ZNF496: variants seen among roughly 807,000 people sequenced by gnomAD.
The protein encoded by ZNF496 is zinc finger protein 496.
A neutral mutation model predicts 58.9 loss-of-function variants in ZNF496; 11 were observed. That is an observed-to-expected ratio of 0.19 (90% confidence interval 0.12 to 0.31). The LOEUF is 0.31. ZNF496 is among the 10% of genes least tolerant of loss of function. The probability of loss-of-function intolerance (pLI) is 1.00; values close to 1 mark genes in which losing one functional copy is unlikely to be tolerated. For synonymous variants in ZNF496, 338 were observed against 318.2 expected, an observed-to-expected ratio of 1.06 and a Z score of -0.66; for missense variants, 660 against 783.0, an observed-to-expected ratio of 0.84 and a Z score of 1.88.
intron 6 of ZNF496, among the ~76,000 whole-genome samples, chr1:247,315,475 T>C (rs1223206479): frequency 6.6e-6 from 1 of 152,218 alleles, no homozygotes; most frequent in East Asian, 1.9e-4. Context: ...GCAACGATGC[T>C]GGATCATTAT....
chr1:247,326,089 TAC>T (rs5782421), intron 5 of ZNF496, among the ~76,000 whole-genome samples: 1,513 of 146,408 alleles, frequency 0.01, 28 homozygotes, highest in African/African-American at 0.036. Flanking sequence ...CACACATATA[TAC>T]ACACACATAT....
intron 5 of ZNF496, among the ~76,000 whole-genome samples, chr1:247,327,366 T>C (rs1052682200): frequency 1.3e-5 from 2 of 152,148 alleles, no homozygotes; most frequent in East Asian, 3.9e-4. Context: ...GCCCAACCCC[T>C]AGCTCCTTCT....
rs940290542 is a variant in ZNF496, at chr1:247,308,171, A to C, written c.1006+304T>G. The C allele has an allele frequency of 8.7e-5, 27 of 311,526 alleles. 1 individual carries two copies. The highest frequency in any genetic ancestry group is 1.6e-3 in the Middle Eastern group (1 of 640). The allele number at this position is 311,526 out of a possible 1,614,324, so 19.3% of individuals were successfully genotyped here. A position where few individuals can be genotyped will look rare whatever the true frequency, so the allele number is the denominator to read the frequency against. ...CTGGAGAATGACCCCAGCACAACGG[A>C]ATCAGGGCAAGCAGCTAAGAACACC... On this transcript the variant is annotated intron_variant, in intron 9 of 9. Transcript: ENST00000682384. This position sits in a 1 kb window ranked among gnomAD's most constrained non-coding sequence, Gnocchi z 4.5.
intron 2 of ZNF496, among the ~76,000 whole-genome samples, chr1:247,330,381 C>T (rs911667709): frequency 1.3e-5 from 2 of 152,212 alleles, no homozygotes; most frequent in African/African-American, 4.8e-5. Flanking sequence ...CTATCCTTGC[C>T]CTCTTCAAAC....
chr1:247,331,123 C>T (rs1174346050), intron 2 of ZNF496, among the ~76,000 whole-genome samples: 2 of 152,162 alleles, frequency 1.3e-5, no homozygotes, highest in African/African-American at 2.4e-5. Context: ...CCCCGAGCAC[C>T]GGCGCCCACC....
rs932031508 is a variant in ZNF496, at chr1:247,309,418, C to T, written c.892+281G>A. 69 of 1,269,148 alleles carry T rather than the reference C, an allele frequency of 5.4e-5. No homozygotes were observed. Among genetic ancestry groups the T allele is most frequent in the Non-Finnish European group, 9.0e-6 (9 of 1,003,814 alleles). The allele number at this position is 1,269,148 out of a possible 1,614,324, so 78.6% of individuals were successfully genotyped here. A position where few individuals can be genotyped will look rare whatever the true frequency, so the allele number is the denominator to read the frequency against. On this transcript the variant is annotated intron_variant, in intron 8 of 9. Transcript: ENST00000682384. This position sits in a 1 kb window ranked among gnomAD's most constrained non-coding sequence, Gnocchi z 4.3. ...CCTGGAGGGGCTGCTGCATTGTCAG[C>T]ACAAACCAGATGTTACTTACAGGCA...
chr1:247,327,834 C>A (rs1420134984), intron 5 of ZNF496, among the ~76,000 whole-genome samples: 1 of 88,290 alleles, frequency 1.1e-5, no homozygotes, highest in Non-Finnish European at 2.5e-5. Context: ...CAGACACTCT[C>A]TTTCCACTGT....
In ZNF496 at chr1:247,316,216, CGTGT is replaced by C. The variant is rs67737658; in HGVS notation, c.652-5764_652-5761del. Among the ~76,000 whole-genome samples, 273 of 90,640 alleles carry C rather than the reference CGTGT, an allele frequency of 3.0e-3. 1 individual carries two copies. The highest frequency in any genetic ancestry group is 6.4e-3 in the African/African-American group (143 of 22,220). 59.5% of individuals were successfully genotyped at this position (90,640 alleles called of 152,430 possible). On this transcript the variant is annotated intron_variant, in intron 6 of 9. Transcript: ENST00000682384. ...GTGTGTGTGTGTGCGCGCGCGTGCG[CGTGT>C]GTGTGTGTGTGTGTGTGAGCGCGCG...
Position 247,308,814 on chromosome 1 carries a change from C to T in ZNF496, c.893-226G>A, listed in dbSNP as rs972829713. The stretch of plus-strand genomic sequence containing the variant: ...GAGCTCTGACGCTAGACAGAATCGA[C>T]GTAGATCCGGGTTCTACTCCACCCA... On this transcript the variant is annotated intron_variant, in intron 8 of 9. Transcript: ENST00000682384. This position sits in a 1 kb window ranked among gnomAD's most constrained non-coding sequence, Gnocchi z 4.5. The T allele has an allele frequency of 3.5e-5, 17 of 490,724 alleles. No individual in the cohort carries two copies. Among genetic ancestry groups the T allele is most frequent in the Admixed American group, 2.0e-4 (6 of 29,750 alleles). 30.4% of individuals were successfully genotyped at this position (490,724 alleles called of 1,614,324 possible). A position where few individuals can be genotyped will look rare whatever the true frequency, so the allele number is the denominator to read the frequency against.
chr1:247,330,437 G>A (rs1352003954), intron 2 of ZNF496, among the ~76,000 whole-genome samples: 2 of 152,184 alleles, frequency 1.3e-5, no homozygotes, highest in Non-Finnish European at 1.5e-5. Context: ...TCCTCGGCCA[G>A]GACAGAAAAG....
At chr1:247,307,055 A>C in intron 9 of ZNF496, 2 of 978,218 alleles carry the variant, frequency 2.0e-6, no homozygotes, top group Non-Finnish European at 2.4e-6. Flanking sequence ...TAACTAGGCA[A>C]TTCATAGAAC....
At chr1:247,330,913 A>T (rs949983824) in intron 2 of ZNF496, among the ~76,000 whole-genome samples, 9 of 152,274 alleles carry the variant, frequency 5.9e-5, no homozygotes, top group African/African-American at 1.9e-4. Flanking sequence ...TTTGCTTTCC[A>T]AAGTAACAAC....
intron 6 of ZNF496, among the ~76,000 whole-genome samples, chr1:247,318,292 G>A (rs1336762082): frequency 1.4e-4 from 21 of 152,312 alleles, no homozygotes; most frequent in Non-Finnish European, 1.5e-5. Flanking sequence ...GTCTGGAGAG[G>A]AGAAAGAGAG....
Position 247,322,022 on chromosome 1 carries a change from C to T in ZNF496, c.651+1132G>A, listed in dbSNP as rs561961091. ...GTTGGCTGGGCACAGTGGCTCATGC[C>T]TGTAATCCCAGCACTTTGGGAGGCT... On this transcript the variant is annotated intron_variant, in intron 6 of 9. Coordinates refer to ENST00000682384, the MANE Select transcript of ZNF496 (RefSeq NM_032752.3). 2.0e-5 allele frequency among the ~76,000 whole-genome samples: 3 copies of T among 152,316 alleles called. No homozygotes were observed. The East Asian group carries it at 5.8e-4, about 29-fold the overall frequency.
intron 6 of ZNF496, among the ~76,000 whole-genome samples, chr1:247,316,924 C>A (rs79543803): frequency 0.012 from 1,850 of 152,216 alleles, 35 homozygotes; most frequent in African/African-American, 0.04. Flanking sequence ...TTGTGAGGCA[C>A]ACAAATAAAT....
intron 6 of ZNF496, among the ~76,000 whole-genome samples, chr1:247,317,689 T>C (rs1403776347): frequency 6.6e-6 from 1 of 152,208 alleles, no homozygotes; most frequent in African/African-American, 2.4e-5. Flanking sequence ...CCTGACGTTC[T>C]CTCACCAGGT....
chr1:247,323,268 AG>A, intron 5 of ZNF496, 38 bp from the exon 6 acceptor site: 1 of 1,554,162 alleles, frequency 6.4e-7, no homozygotes, highest in Non-Finnish European at 8.9e-7. Context: ...AAAGTGGGCC[AG>A]GGCCAGGCCT....
chr1:247,326,348 T>G (rs921058381), intron 5 of ZNF496, among the ~76,000 whole-genome samples: 1 of 152,020 alleles, frequency 6.6e-6, no homozygotes, highest in African/African-American at 2.4e-5. Flanking sequence ...TAGTTAAGGT[T>G]TTCCTGATTG....
chr1:247,312,113 T>G (rs1479760652), intron 6 of ZNF496: 1 of 152,242 alleles, frequency 6.6e-6, no homozygotes, highest in Non-Finnish European at 1.5e-5. Flanking sequence ...ATTCCCGATC[T>G]TTAAGTTCTG....
Sources: allele counts gnomAD v4.1 joint callset (sites outside exome capture counted in the v4.1 genomes callset), GRCh38; gene constraint gnomAD v4.1.1; non-coding constraint Gnocchi (gnomAD v3.1); transcripts MANE v1.5; gene names NCBI Gene and HGNC (gene_info 2026-07-23, HGNC 2026-07-21).